Variants in LRP1 observed in about 807,000 individuals in gnomAD.
The protein encoded by LRP1 is LDL receptor related protein 1, also known as prolow-density lipoprotein receptor-related protein 1.
In LRP1, 51 loss-of-function variants were observed where a neutral mutation model predicts 541.5. The observed-to-expected ratio is 0.09, with a 90% CI of 0.08 to 0.12. The LOEUF (loss-of-function observed/expected upper bound fraction) is 0.12, where lower values mean the gene tolerates loss of function less well. LRP1 is among the 10% of genes least tolerant of loss of function. The probability of loss-of-function intolerance (pLI) is 1.00; values close to 1 mark genes in which losing one functional copy is unlikely to be tolerated. For synonymous variants in LRP1, 2,219 were observed against 2,470.8 expected, an observed-to-expected ratio of 0.90 and a Z score of 3.02; for missense variants, 3,878 against 6,376.2, an observed-to-expected ratio of 0.61 and a Z score of 13.34.
rs1165005989 is a variant in LRP1 at position 57,173,970 on chromosome 12, C to T, written c.3537C>T (p.Gly1179=). ...ACTGTGGCGACGGCTCAGATGAGGG[C>T]GAGCTCTGCGGTGAGGCCTGGTCCC... The part of the protein sequence containing the change: ...NDDCGDGSDE[G]ELCDQCSLNN... The change falls in exon 22 of 89, where the codon GGC becomes GGT. Residue 1179 remains glycine (G), a synonymous_variant. Transcript: ENST00000243077. This position sits in a 1 kb window ranked among gnomAD's most constrained non-coding sequence, Gnocchi z 4.7. 1 of 1,614,048 alleles carries T rather than the reference C, an allele frequency of 6.2e-7. No homozygotes were observed. The highest frequency in any genetic ancestry group is 8.5e-7 in the Non-Finnish European group (1 of 1,180,002).
At position 57,173,713 on chromosome 12, in the gene LRP1, C is replaced by G. The variant is rs548737595; in HGVS notation, c.3347-67C>G. The G allele has an allele frequency of 3.2e-6, 5 of 1,543,912 alleles. No homozygotes were observed. The East Asian group carries it at 1.1e-4, about 35-fold the overall frequency. ...ACCCTATTAGAGAAGCCCACAGGGT[C>G]TGGAAGGAAGGGCAGGGGGAGCCCC... On this transcript the variant is annotated intron_variant, in intron 21 of 88. Coordinates refer to ENST00000243077, the MANE Select transcript of LRP1 (RefSeq NM_002332.3). The surrounding 1 kb of genome is among the most constrained non-coding windows in gnomAD (Gnocchi z 4.7).
chr12:57,187,180 G>A, intron 41 of LRP1, 87 bp from the exon 42 acceptor site: 1 of 1,380,066 alleles, frequency 7.2e-7, no homozygotes. Context: ...AGCCAGGAGA[G>A]CACCTGCCCC....
In LRP1 at chr12:57,154,866, A is replaced by G; in HGVS notation, c.1227+165A>G. 3 of 662,490 alleles carry G rather than the reference A, an allele frequency of 4.5e-6. No homozygotes were observed. The South Asian group carries it at 5.1e-5, about 11-fold the overall frequency. 41.0% of individuals were successfully genotyped at this position (662,490 alleles called of 1,614,324 possible). ...GGGTGGGCTTGAATACTGCAGAGAAAGGACAAGATACGGGTTCCACTGTGA... is the reference window on the plus strand; with the variant it reads ...GGGTGGGCTTGAATACTGCAGAGAAGGGACAAGATACGGGTTCCACTGTGA... On this transcript the variant is annotated intron_variant, in intron 8 of 88. Coordinates refer to ENST00000243077, the MANE Select transcript of LRP1 (RefSeq NM_002332.3). This position sits in a 1 kb window ranked among gnomAD's most constrained non-coding sequence, Gnocchi z 4.6.
At chr12:57,186,260 T>C (rs2036269331) in intron 41 of LRP1, among the ~76,000 whole-genome samples, 1 of 152,214 alleles carries the variant, frequency 6.6e-6, no homozygotes, top group Admixed American at 6.5e-5. Context: ...AGCCTGAGCC[T>C]TCTCATCTGC....
At chr12:57,194,197 G>A (rs566109870) in intron 48 of LRP1, among the ~76,000 whole-genome samples, 157 bp from the exon 49 acceptor site, 10 of 152,326 alleles carry the variant, frequency 6.6e-5, no homozygotes, top group Middle Eastern at 6.8e-3. Context: ...GTGGGGTTCC[G>A]AGAGGGGGCA....
chr12:57,183,354 T>C lies in LRP1; in HGVS notation c.5663-25T>C. 1 of 1,590,750 alleles carries C rather than the reference T, an allele frequency of 6.3e-7. No homozygotes were observed. The highest frequency in any genetic ancestry group is 1.1e-5 in the South Asian group (1 of 90,302). Reference sequence around the variant, plus strand: ...TTTAAGGGAGTGTTGGCGATACCCATGCCTTAAGTTTCCTTGTCTTTCAGG... The same window carrying C: ...TTTAAGGGAGTGTTGGCGATACCCACGCCTTAAGTTTCCTTGTCTTTCAGG... On this transcript the variant is annotated intron_variant, in intron 34 of 88. Transcript: ENST00000243077. The surrounding 1 kb of genome is among the most constrained non-coding windows in gnomAD (Gnocchi z 6.1).
Position 57,173,962 on chromosome 12 carries a change from G to C in LRP1, c.3529G>C (p.Asp1177His). ...CAACGACGACTGTGGCGACGGCTCA[G>C]ATGAGGGCGAGCTCTGCGGTGAGGC... Reference protein sequence around the residue: ...DGNDDCGDGSDEGELCDQCSL... With the variant: ...DGNDDCGDGSHEGELCDQCSL... The change falls in exon 22 of 89, where the codon GAT (aspartate) becomes CAT (histidine). Residue 1177 changes from aspartate (D) to histidine (H), a missense_variant. Transcript: ENST00000243077. The surrounding 1 kb of genome is among the most constrained non-coding windows in gnomAD (Gnocchi z 4.7). The C allele has an allele frequency of 5.6e-6, 9 of 1,614,188 alleles. No individual in the cohort carries two copies. Among genetic ancestry groups the C allele is most frequent in the Non-Finnish European group, 7.6e-6 (9 of 1,180,034 alleles).
rs201460121 is a variant in LRP1, at chr12:57,200,456, C to T, written c.10029C>T (p.Asn3343=). The change falls in exon 63 of 89, where the codon AAC becomes AAT. Residue 3343 remains asparagine (N), a synonymous_variant. Coordinates refer to ENST00000243077, the MANE Select transcript of LRP1 (RefSeq NM_002332.3). ...NCTASQFVCK[N]DKCIPFWWKC... ...CTGCCCTCCAGTTTGTATGCAAGAA[C>T]GACAAGTGCATCCCCTTCTGGTGGA... 54 of 1,457,340 alleles carry T rather than the reference C, an allele frequency of 3.7e-5. No individual in the cohort carries two copies. Among genetic ancestry groups the T allele is most frequent in the African/African-American group, 8.7e-5 (6 of 68,608 alleles). The allele number at this position is 1,457,340 out of a possible 1,614,324, so 90.3% of individuals were successfully genotyped here.
Position 57,173,369 on chromosome 12 carries a change from G to A in LRP1, c.3346+19G>A, listed in dbSNP as rs1387727499. On this transcript the variant is annotated intron_variant, in intron 21 of 88. Coordinates refer to ENST00000243077, the MANE Select transcript of LRP1 (RefSeq NM_002332.3). This position sits in a 1 kb window ranked among gnomAD's most constrained non-coding sequence, Gnocchi z 4.7. ...GACTCAGGTGAAGAGGATGGTTGGA[G>A]GGCGTCTGGAACAGCACAATGTGGG... 4 of 1,609,110 alleles carry A rather than the reference G, an allele frequency of 2.5e-6. No individual in the cohort carries two copies. Among genetic ancestry groups the A allele is most frequent in the Non-Finnish European group, 3.4e-6 (4 of 1,176,766 alleles).
chr12:57,149,219 C>T (rs906326402), intron 6 of LRP1: 2 of 440,588 alleles, frequency 4.5e-6, no homozygotes, highest in Non-Finnish European at 8.0e-6. Flanking sequence ...GCCTTTCTGA[C>T]CCATGGGATG....
intron 3 of LRP1, among the ~76,000 whole-genome samples, chr12:57,142,902 TG>T (rs2035325340): frequency 2.0e-5 from 3 of 152,042 alleles, no homozygotes; most frequent in African/African-American, 2.4e-5. Context: ...CTTAGCATCT[TG>T]GGCGGCTCTC....
chr12:57,156,033 C>A lies in LRP1; in HGVS notation c.1228-61C>A. On this transcript the variant is annotated intron_variant, in intron 8 of 88. Coordinates refer to ENST00000243077, the MANE Select transcript of LRP1 (RefSeq NM_002332.3). The surrounding 1 kb of genome is among the most constrained non-coding windows in gnomAD (Gnocchi z 5.2). Reference sequence around the variant, plus strand: ...AGTCTGGAGGAAGCTGAGGGGATCTCCAGGACAGAGGGAGGAACCCCTGTC... The same window carrying A: ...AGTCTGGAGGAAGCTGAGGGGATCTACAGGACAGAGGGAGGAACCCCTGTC... 2 of 1,418,532 alleles carry A rather than the reference C, an allele frequency of 1.4e-6. No homozygotes were observed. The highest frequency in any genetic ancestry group is 2.0e-6 in the Non-Finnish European group (2 of 1,014,596). The allele number at this position is 1,418,532 out of a possible 1,614,324, so 87.9% of individuals were successfully genotyped here. A position where few individuals can be genotyped will look rare whatever the true frequency, so the allele number is the denominator to read the frequency against.
At chr12:57,186,304 C>T (rs1164504951) in intron 41 of LRP1, among the ~76,000 whole-genome samples, 1 of 152,166 alleles carries the variant, frequency 6.6e-6, no homozygotes, top group African/African-American at 2.4e-5. Context: ...CAGGATTCCT[C>T]GAGCTGCTGC....
At chr12:57,164,453 A>G (rs2035799534) in intron 15 of LRP1, 1 of 152,222 alleles carries the variant, frequency 6.6e-6, no homozygotes, top group Non-Finnish European at 1.5e-5. Flanking sequence ...TAATTTACTC[A>G]ACCGTTTCTC....
rs1353693791 is a variant in LRP1, at chr12:57,175,982, C to T, written c.3867C>T (p.Tyr1289=). 1 of 1,614,154 alleles carries T rather than the reference C, an allele frequency of 6.2e-7. No homozygotes were observed. Among genetic ancestry groups the T allele is most frequent in the African/African-American group, 1.3e-5 (1 of 74,962 alleles). Reference sequence around the variant, plus strand: ...GCATCGATCTTCACAAAGGAGACTACAGCGTCCTGGTGCCCGGCCTGCGCA... The same window carrying T: ...GCATCGATCTTCACAAAGGAGACTATAGCGTCCTGGTGCCCGGCCTGCGCA... The part of the protein sequence containing the change: ...IRRIDLHKGD[Y]SVLVPGLRNT... The change falls in exon 24 of 89, where the codon TAC becomes TAT. Residue 1289 remains tyrosine, a synonymous_variant. Transcript: ENST00000243077.
chr12:57,175,821 C>T lies in LRP1; in HGVS notation c.3794-88C>T, dbSNP rs375034860. On this transcript the variant is annotated intron_variant, in intron 23 of 88. Coordinates refer to ENST00000243077, the MANE Select transcript of LRP1 (RefSeq NM_002332.3). ...GTTTTCCACCCTAGCCCCCAGTGCC[C>T]GGACCAGCAGAGACCTGCCTGCGCC... 1.8e-4 allele frequency: 284 copies of T among 1,573,640 alleles called. 2 individuals carry two copies. The highest frequency in any genetic ancestry group is 1.4e-4 in the Admixed American group (8 of 58,536).
rs2036496186 is a variant in LRP1, at chr12:57,194,895, G to A, written c.8192-90G>A. 23 of 1,203,680 alleles carry A rather than the reference G, an allele frequency of 1.9e-5. No individual in the cohort carries two copies. The South Asian group carries it at 2.7e-4, about 14-fold the overall frequency. The allele number at this position is 1,203,680 out of a possible 1,614,324, so 74.6% of individuals were successfully genotyped here. ...GCCCCCCCACAGAGGGGTGCTGTGG[G>A]CATCTCTCCTGTCCTTCCCATGGCA... On this transcript the variant is annotated intron_variant, in intron 50 of 88. Coordinates refer to ENST00000243077, the MANE Select transcript of LRP1 (RefSeq NM_002332.3).
At position 57,128,742 on chromosome 12, in the gene LRP1, A is replaced by C. The variant is rs960240716; in HGVS notation, c.-223A>C. 4.6e-6 allele frequency: 2 copies of C among 439,040 alleles called. No homozygotes were observed. Among genetic ancestry groups the C allele is most frequent in the African/African-American group, 4.0e-5 (2 of 49,590 alleles). 27.2% of individuals were successfully genotyped at this position (439,040 alleles called of 1,614,324 possible). ...CGGGGGGGTGGGGTGAAGGGTTTGG[A>C]TTTCGGGGCAGGGGGCGCACCCCCG... On this transcript the variant is annotated 5_prime_UTR_variant, in exon 1 of 89. Transcript: ENST00000243077.
At chr12:57,194,539 GC>G in intron 49 of LRP1, 36 bp downstream of exon 49, 1 of 1,612,280 alleles carries the variant, frequency 6.2e-7, no homozygotes, top group Non-Finnish European at 8.5e-7. Context: ...GTGGTGGCCT[GC>G]GGTGAGCAGG....
Sources: allele counts gnomAD v4.1 joint callset (sites outside exome capture counted in the v4.1 genomes callset), GRCh38; gene constraint gnomAD v4.1.1; non-coding constraint Gnocchi (gnomAD v3.1); transcripts MANE v1.5; gene names NCBI Gene and HGNC (gene_info 2026-07-23, HGNC 2026-07-21).